The following BIN3 variants were observed in gnomAD, a reference collection of about 807,000 sequenced individuals.
BIN3 encodes bridging integrator 3.
A neutral mutation model predicts 38.2 loss-of-function variants in BIN3; 41 were observed. The observed-to-expected ratio is 1.07, with a 90% confidence interval of 0.84 to 1.39. BIN3 has a LOEUF of 1.39. BIN3 is among the 40% of genes most tolerant of loss of function. The pLI, the probability that BIN3 is intolerant of heterozygous loss-of-function variation, is 0.00. For synonymous variants in BIN3, 145 were observed against 122.6 expected (o/e 1.18, Z -1.21); for missense variants, 361 against 324.3 (o/e 1.11, Z -0.87).
At chr8:22,634,641 G>A (rs922778467) in intron 4 of BIN3, 13 of 425,986 alleles carry the variant, frequency 3.1e-5, no homozygotes, top group Non-Finnish European at 5.2e-5. Flanking sequence ...CCACCCGTAG[G>A]TGCCCACTGC....
In BIN3 at chr8:22,669,102, C is replaced by T. The variant is rs1803526661; in HGVS notation, c.-51G>A. The T allele has an allele frequency of 6.4e-7, 1 of 1,574,246 alleles. No individual in the cohort carries two copies. The highest frequency in any genetic ancestry group is 2.4e-5 in the East Asian group (1 of 42,472). ...GGGTCCTCAGCCACAACTCGTTTCT[C>T]TAGGGTCACTTCCGGATTCAACCAG... On this transcript the variant is annotated 5_prime_UTR_variant, in exon 1 of 9. Transcript: ENST00000276416.
chr8:22,626,553 C>T (rs1344135299), intron 6 of BIN3: 4 of 152,292 alleles, frequency 2.6e-5, no homozygotes, highest in African/African-American at 9.7e-5. Context: ...AAGCCACCTG[C>T]TGCTTGGATG....
intron 1 of BIN3, among the ~76,000 whole-genome samples, chr8:22,667,765 T>C (rs1803470240): frequency 6.6e-6 from 1 of 152,178 alleles, no homozygotes; most frequent in Non-Finnish European, 1.5e-5. Context: ...TTTCCTCCCG[T>C]GCTTGCGGTG....
chr8:22,654,049 G>C (rs1467347850), intron 1 of BIN3, among the ~76,000 whole-genome samples: 2 of 152,164 alleles, frequency 1.3e-5, no homozygotes, highest in African/African-American at 2.4e-5. Context: ...CTAACTTCTA[G>C]AGGTACTTAG....
At chr8:22,624,074 A>G (rs1332216682) in intron 7 of BIN3, 25 bp from the exon 8 acceptor site, 1 of 1,609,512 alleles carries the variant, frequency 6.2e-7, no homozygotes, top group Non-Finnish European at 8.5e-7. Flanking sequence ...CTGGGTGTCA[A>G]AACTCTCTCA....
At chr8:22,658,749 C>T (rs1375857111) in intron 1 of BIN3, among the ~76,000 whole-genome samples, 2 of 152,214 alleles carry the variant, frequency 1.3e-5, no homozygotes, top group African/African-American at 4.8e-5. Context: ...TATCTTTCTG[C>T]TATCTCTAGC....
chr8:22,649,259 G>A (rs970705998), intron 1 of BIN3, among the ~76,000 whole-genome samples: 4 of 152,036 alleles, frequency 2.6e-5, no homozygotes, highest in Non-Finnish European at 5.9e-5. Flanking sequence ...CCACCTATAT[G>A]GAATGCTTTC....
intron 1 of BIN3, among the ~76,000 whole-genome samples, chr8:22,648,388 C>T (rs1042300546): frequency 3.3e-5 from 5 of 152,032 alleles, no homozygotes; most frequent in African/African-American, 1.2e-4. Context: ...CCCGAGGCTC[C>T]GCTTGGCTGT....
At chr8:22,629,915 C>G (rs1296844646) in intron 6 of BIN3, 49 bp downstream of exon 6, 4 of 1,537,624 alleles carry the variant, frequency 2.6e-6, no homozygotes, top group Middle Eastern at 3.4e-4. Flanking sequence ...TGGCTGCTGA[C>G]CTGCCTCTCC....
chr8:22,629,946 C>G lies in BIN3; in HGVS notation c.338+18G>C. On this transcript the variant is annotated intron_variant, in intron 6 of 8. Transcript: ENST00000276416. ...TCTCCCATAAGTGCCCCGAGGCCCC[C>G]AGGTGACATTTACTCACTTTTTTAA... The G allele has an allele frequency of 6.2e-7, 1 of 1,600,534 alleles. No homozygotes were observed. Among genetic ancestry groups the G allele is most frequent in the Non-Finnish European group, 8.5e-7 (1 of 1,172,426 alleles).
intron 1 of BIN3, among the ~76,000 whole-genome samples, chr8:22,656,528 T>C (rs915433550): frequency 6.6e-6 from 1 of 152,216 alleles, no homozygotes; most frequent in African/African-American, 2.4e-5. Flanking sequence ...GAAAATATGA[T>C]AAAATTCATC....
rs1038569549 is a variant in BIN3 at position 22,624,039 on chromosome 8, T to C, written c.491A>G (p.Glu164Gly). ...VLAKLHQARE[E>G]LRPVREDFEA... ...AAAGTCCTCCCGCACAGGCCGCAGCTCCTCTCGTGCCTAGGGAACAAGACC... is the reference window on the plus strand; with the variant it reads ...AAAGTCCTCCCGCACAGGCCGCAGCCCCTCTCGTGCCTAGGGAACAAGACC... The change falls in exon 8 of 9, where the codon GAG (glutamate) becomes GGG (glycine). Residue 164 changes from glutamate (E) to glycine (G), a missense_variant. By Grantham distance (98) the Glu-to-Gly change is moderately conservative. Transcript: ENST00000276416. The C allele has an allele frequency of 3.8e-6, 6 of 1,592,724 alleles. 1 individual carries two copies. In the South Asian group the frequency reaches 4.4e-5, roughly 12 times the overall value.
chr8:22,659,066 G>T (rs1448933365), intron 1 of BIN3, among the ~76,000 whole-genome samples: 1 of 152,262 alleles, frequency 6.6e-6, no homozygotes, highest in Admixed American at 6.5e-5. Flanking sequence ...AGAAACAACA[G>T]AGAGCCAGAG....
chr8:22,625,253 C>T (rs1563943670), intron 6 of BIN3: 6 of 697,314 alleles, frequency 8.6e-6, no homozygotes, highest in Non-Finnish European at 1.3e-5. Context: ...CTGAGGCTCT[C>T]GCTGCTGCTG....
chr8:22,664,347 A>C (rs931110549), intron 1 of BIN3, among the ~76,000 whole-genome samples: 1 of 152,236 alleles, frequency 6.6e-6, no homozygotes, highest in Non-Finnish European at 1.5e-5. Context: ...AATCTCACAG[A>C]CATTTTATAG....
chr8:22,640,499 C>T (rs896849641), intron 2 of BIN3, among the ~76,000 whole-genome samples: 30 of 152,142 alleles, frequency 2.0e-4, no homozygotes, highest in African/African-American at 7.2e-4. Context: ...CACATCTTTC[C>T]TCTAACCTTG....
At chr8:22,636,623 C>A (rs960296809) in intron 3 of BIN3, 37 bp from the exon 4 acceptor site, 2 of 1,548,194 alleles carry the variant, frequency 1.3e-6, no homozygotes, top group African/African-American at 2.7e-5. Flanking sequence ...GGGTCCCCTT[C>A]CTTCCCCCTA....
chr8:22,629,051 C>T lies in BIN3; in HGVS notation c.338+913G>A, dbSNP rs571694993. ...GTCCTGGCTTAGAAACAAGAGCTTG[C>T]TAGGGTCAGGCGGGCCTTTTCCTAA... On this transcript the variant is annotated intron_variant, in intron 6 of 8. Transcript: ENST00000276416. 8.5e-5 allele frequency among the ~76,000 whole-genome samples: 13 copies of T among 152,348 alleles called. No homozygotes were observed. In the East Asian group the frequency reaches 2.5e-3, roughly 29 times the overall value.
intron 2 of BIN3, among the ~76,000 whole-genome samples, chr8:22,643,480 A>G (rs1002842209): frequency 1.3e-5 from 2 of 152,128 alleles, no homozygotes; most frequent in African/African-American, 4.8e-5. Flanking sequence ...ACAGGCGTGC[A>G]TATTTTTTGG....
Sources: gnomAD v4.1 joint callset for allele counts (sites outside exome capture counted in the v4.1 genomes callset) on GRCh38, gnomAD v4.1.1 for gene constraint, MANE v1.5 for transcripts, NCBI Gene and HGNC (gene_info 2026-07-23, HGNC 2026-07-21) for gene names.